TBC1D31: variants seen among roughly 807,000 people sequenced by gnomAD.
TBC1D31 encodes WD repeat domain 67.
Under a neutral mutation model 132.9 loss-of-function variants are expected in TBC1D31, and 99 were observed. That is an observed-to-expected ratio of 0.74 (90% confidence interval 0.63 to 0.88). TBC1D31 has a LOEUF of 0.88. Among genes scored for constraint, TBC1D31 ranks in the 40% least tolerant of loss-of-function variants. The pLI is 0.00. For missense variants in TBC1D31, 1,134 were observed against 1,256.6 expected (o/e 0.90, Z 1.48); for synonymous variants, 385 against 419.4 (o/e 0.92, Z 1.00).
chr8:123,163,667 A>G, the TBC1D31 span, among the ~76,000 whole-genome samples: 2 of 152,002 alleles, frequency 1.3e-5, no homozygotes, highest in African/African-American at 4.8e-5. Flanking sequence ...CACCCAGCCC[A>G]TTTTAACCAT....
At position 123,134,177 on chromosome 8, in the gene TBC1D31, C is replaced by T; in HGVS notation, c.2470C>T (p.Leu824Phe). Residue 824 changes from leucine to phenylalanine, a missense_variant, in exon 17 of 22, where the codon CTC becomes TTC. By Grantham distance (22) the Leu-to-Phe change is conservative. Coordinates refer to ENST00000287380, the MANE Select transcript of TBC1D31 (RefSeq NM_145647.4). The stretch of plus-strand genomic sequence containing the variant: ...AGACCTAGAAATGAGACAGCTGGAA[C>T]TCGAATCACAAAAGAGACTTTATGA... ...ARDLEMRQLELESQKRLYEKN... is the reference protein window; with the variant it reads ...ARDLEMRQLEFESQKRLYEKN... 2 of 1,613,862 alleles carry T rather than the reference C, an allele frequency of 1.2e-6. No homozygotes were observed. Among genetic ancestry groups the T allele is most frequent in the Non-Finnish European group, 1.7e-6 (2 of 1,179,860 alleles).
At chr8:123,086,194 C>T (rs1563676186) in intron 4 of TBC1D31, among the ~76,000 whole-genome samples, 1 of 151,346 alleles carries the variant, frequency 6.6e-6, no homozygotes, top group Non-Finnish European at 1.5e-5. Flanking sequence ...TGCTACCCCT[C>T]CTCCCTCCTT....
intron 8 of TBC1D31, among the ~76,000 whole-genome samples, chr8:123,108,635 A>G (rs1473927668): frequency 6.6e-6 from 1 of 152,200 alleles, no homozygotes; most frequent in East Asian, 1.9e-4. Flanking sequence ...ATATAAATAT[A>G]TAATTTTGAT....
At chr8:123,124,581 A>G (rs1819844745) in intron 11 of TBC1D31, among the ~76,000 whole-genome samples, 2 of 152,136 alleles carry the variant, frequency 1.3e-5, no homozygotes, top group African/African-American at 2.4e-5. Context: ...CAGAACTACC[A>G]GTGTCAGAGA....
At chr8:123,105,627 T>C (rs1432710400) in intron 8 of TBC1D31, among the ~76,000 whole-genome samples, 163 bp downstream of exon 8, 1 of 152,166 alleles carries the variant, frequency 6.6e-6, no homozygotes. Context: ...GTCTCAATCC[T>C]GGCCTCAAGT....
In TBC1D31 at chr8:123,094,712, G is replaced by A. The variant is rs961944215; in HGVS notation, c.671+970G>A. 4.0e-4 allele frequency among the ~76,000 whole-genome samples: 60 copies of A among 151,454 alleles called. 1 individual carries two copies. Among genetic ancestry groups the A allele is most frequent in the Admixed American group, 3.9e-4 (6 of 15,202 alleles). ...CTGCCACCACACCTGGCTAATTTTT[G>A]TATTTTTAGTAGAGACGGGGGTTTC... On this transcript the variant is annotated intron_variant, in intron 5 of 21. Coordinates refer to ENST00000287380, the MANE Select transcript of TBC1D31 (RefSeq NM_145647.4).
chr8:123,075,570 G>A (rs1424899435), intron 1 of TBC1D31, among the ~76,000 whole-genome samples: 1 of 152,038 alleles, frequency 6.6e-6, no homozygotes, highest in African/African-American at 2.4e-5. Flanking sequence ...GGGCATGGTA[G>A]CGTGCACCTG....
chr8:123,081,128 G>A (rs1460817326), intron 2 of TBC1D31, among the ~76,000 whole-genome samples: 1 of 151,992 alleles, frequency 6.6e-6, no homozygotes, highest in Non-Finnish European at 1.5e-5. Flanking sequence ...TATTTTCTTT[G>A]GCTTCATGGT....
chr8:123,092,734 C>A (rs144168411), intron 4 of TBC1D31, among the ~76,000 whole-genome samples: 2 of 151,808 alleles, frequency 1.3e-5, no homozygotes, highest in African/African-American at 4.8e-5. Flanking sequence ...ACTGCAACCT[C>A]CACTTCCCAG....
chr8:123,122,486 T>C (rs1819594578), intron 11 of TBC1D31, among the ~76,000 whole-genome samples: 1 of 152,092 alleles, frequency 6.6e-6, no homozygotes, highest in Admixed American at 6.5e-5. Context: ...CTAGAATAGG[T>C]AAATTCATAG....
chr8:123,099,477 C>T (rs1167296371), intron 6 of TBC1D31, among the ~76,000 whole-genome samples: 1 of 152,050 alleles, frequency 6.6e-6, no homozygotes, highest in Non-Finnish European at 1.5e-5. Flanking sequence ...TTTTCTCTCC[C>T]CTTAAAAGCC....
At chr8:123,157,438 T>C in the TBC1D31 span, among the ~76,000 whole-genome samples, 1 of 152,146 alleles carries the variant, frequency 6.6e-6, no homozygotes, top group Non-Finnish European at 1.5e-5. Flanking sequence ...GTCCTGCCCC[T>C]GTCCCGTTTG....
At chr8:123,103,364 T>C (rs1174756511) in intron 7 of TBC1D31, 1 of 152,118 alleles carries the variant, frequency 6.6e-6, no homozygotes, top group African/African-American at 2.4e-5. Context: ...TAATATCTGC[T>C]CTTACTGAGA....
chr8:123,096,540 AC>A (rs1816859074), intron 5 of TBC1D31, among the ~76,000 whole-genome samples: 1 of 152,146 alleles, frequency 6.6e-6, no homozygotes, highest in African/African-American at 2.4e-5. Flanking sequence ...TCTATATAGA[AC>A]TTATCACCTG....
At chr8:123,125,289 G>T (rs890837561) in intron 11 of TBC1D31, among the ~76,000 whole-genome samples, 1 of 152,130 alleles carries the variant, frequency 6.6e-6, no homozygotes, top group Non-Finnish European at 1.5e-5. Flanking sequence ...TCTGTGGGTC[G>T]TTCTACTGAT....
chr8:123,127,702 G>C (rs895454408), intron 13 of TBC1D31: 9 of 152,834 alleles, frequency 5.9e-5, no homozygotes, highest in African/African-American at 2.2e-4. Context: ...TGAGAGTTTT[G>C]AGACTTGGCA....
At chr8:123,101,956 T>C (rs1187157179) in intron 7 of TBC1D31, among the ~76,000 whole-genome samples, 3 of 152,204 alleles carry the variant, frequency 2.0e-5, no homozygotes, top group African/African-American at 7.2e-5. Context: ...AAGTCCAGAC[T>C]CTTCTGCCTG....
Position 123,105,432 on chromosome 8 carries a change from C to G in TBC1D31, c.1177C>G (p.Gln393Glu), listed in dbSNP as rs1563704423. Reference protein sequence around the residue: ...ESKMQTRILKQDLTGDFESKK... With the variant: ...ESKMQTRILKEDLTGDFESKK... ...CAAAATGCAAACTAGAATATTAAAACAAGACCTGACTGGTGATTTTGAAAG... is the reference window on the plus strand; with the variant it reads ...CAAAATGCAAACTAGAATATTAAAAGAAGACCTGACTGGTGATTTTGAAAG... Residue 393 changes from glutamine (Q) to glutamate (E), a missense_variant, in exon 8 of 22, where the codon CAA becomes GAA. Coordinates refer to ENST00000287380, the MANE Select transcript of TBC1D31 (RefSeq NM_145647.4). 1 of 1,610,480 alleles carries G rather than the reference C, an allele frequency of 6.2e-7. No individual in the cohort carries two copies. Among genetic ancestry groups the G allele is most frequent in the Non-Finnish European group, 8.5e-7 (1 of 1,178,480 alleles).
At position 123,084,262 on chromosome 8, in the gene TBC1D31, T is replaced by C; in HGVS notation, c.441T>C (p.Asp147=). 1 of 1,614,196 alleles carries C rather than the reference T, an allele frequency of 6.2e-7. No individual in the cohort carries two copies. Among genetic ancestry groups the C allele is most frequent in the Non-Finnish European group, 8.5e-7 (1 of 1,180,024 alleles). Reference sequence around the variant, plus strand: ...AATATGCCATCACAACTTCTTCTGATACAGCACAATTATGGGACTTGGATA... The same window carrying C: ...AATATGCCATCACAACTTCTTCTGACACAGCACAATTATGGGACTTGGATA... ...SGKYAITTSS[D]TAQLWDLDTF... Residue 147 remains aspartate (D), a synonymous_variant, in exon 4 of 22, where the codon GAT becomes GAC. Transcript: ENST00000287380.
Sources: allele counts gnomAD v4.1 joint callset (sites outside exome capture counted in the v4.1 genomes callset), GRCh38; gene constraint gnomAD v4.1.1; transcripts MANE v1.5; gene names NCBI Gene and HGNC (gene_info 2026-07-23, HGNC 2026-07-21).